Variants in SPOCK1 observed in about 807,000 individuals in gnomAD.
SPOCK1 encodes the protein testican-1.
In SPOCK1, 23 loss-of-function variants were observed where a neutral mutation model predicts 55.3. That is an observed-to-expected ratio of 0.42 (90% confidence interval 0.30 to 0.59). The LOEUF (loss-of-function observed/expected upper bound fraction) is 0.59, where lower values mean the gene tolerates loss of function less well. Among genes scored for constraint, SPOCK1 ranks in the 20% least tolerant of loss-of-function variants. The pLI is 0.22. For synonymous variants in SPOCK1, 226 were observed against 221.0 expected, an observed-to-expected ratio of 1.02 and a Z score of -0.20; for missense variants, 499 against 552.5, an observed-to-expected ratio of 0.90 and a Z score of 0.97.
chr5:137,361,840 G>A (rs959382478), intron 2 of SPOCK1, among the ~76,000 whole-genome samples: 5 of 152,128 alleles, frequency 3.3e-5, no homozygotes, highest in Non-Finnish European at 5.9e-5. Context: ...AGAGAGACTC[G>A]GGAAAGAAGT....
chr5:137,375,708 T>TA (rs1197132178), intron 2 of SPOCK1, among the ~76,000 whole-genome samples: 6 of 152,202 alleles, frequency 3.9e-5, no homozygotes, highest in Admixed American at 2.6e-4. Flanking sequence ...CTCCTCCTTG[T>TA]AAAAAACTAA....
chr5:137,271,435 T>C (rs1756962177), intron 2 of SPOCK1, among the ~76,000 whole-genome samples: 1 of 150,330 alleles, frequency 6.7e-6, no homozygotes, highest in Non-Finnish European at 1.5e-5. Flanking sequence ...TATATGTTTT[T>C]CATACACATA....
chr5:137,044,587 C>T (rs1752069812), intron 6 of SPOCK1, among the ~76,000 whole-genome samples: 2 of 152,002 alleles, frequency 1.3e-5, no homozygotes, highest in Non-Finnish European at 2.9e-5. Flanking sequence ...TACATGGAAA[C>T]ATACATAAGG....
At chr5:137,360,759 G>A (rs1403409876) in intron 2 of SPOCK1, among the ~76,000 whole-genome samples, 1 of 152,170 alleles carries the variant, frequency 6.6e-6, no homozygotes, top group Non-Finnish European at 1.5e-5. Flanking sequence ...AAGAAAGCTG[G>A]TAGATCAGGG....
chr5:137,131,862 C>T (rs1753885634), intron 4 of SPOCK1, among the ~76,000 whole-genome samples: 2 of 147,136 alleles, frequency 1.4e-5, no homozygotes, highest in South Asian at 4.3e-4. Context: ...GTCCCAGCTA[C>T]TCGGGAGGCT....
intron 2 of SPOCK1, among the ~76,000 whole-genome samples, chr5:137,405,102 A>C (rs1294290618): frequency 1.3e-5 from 2 of 152,234 alleles, no homozygotes; most frequent in African/African-American, 4.8e-5. Context: ...ATAGCGCCAG[A>C]AAATTTCCTG....
chr5:137,409,842 T>C (rs1752174064), intron 2 of SPOCK1, among the ~76,000 whole-genome samples: 1 of 152,232 alleles, frequency 6.6e-6, no homozygotes, highest in Admixed American at 6.5e-5. Flanking sequence ...CACTAATAAG[T>C]GCTGAGCAAA....
At chr5:137,334,755 C>T (rs1750202902) in intron 2 of SPOCK1, among the ~76,000 whole-genome samples, 1 of 152,178 alleles carries the variant, frequency 6.6e-6, no homozygotes, top group Admixed American at 6.5e-5. Context: ...GTAATCGCTG[C>T]CCTCTTGCCC....
intron 2 of SPOCK1, among the ~76,000 whole-genome samples, chr5:137,483,193 C>T (rs1022141921): frequency 7.2e-5 from 11 of 152,020 alleles, no homozygotes; most frequent in African/African-American, 2.7e-4. Flanking sequence ...ATTAGTCAGG[C>T]GTAGTGGTAG....
intron 6 of SPOCK1, among the ~76,000 whole-genome samples, chr5:136,996,191 T>C (rs1374637841): frequency 6.6e-6 from 1 of 152,172 alleles, no homozygotes; most frequent in Non-Finnish European, 1.5e-5. Context: ...ACCCAGAGGA[T>C]ACATCCCACA....
At chr5:137,434,248 A>C (rs1046368445) in intron 2 of SPOCK1, among the ~76,000 whole-genome samples, 1 of 152,040 alleles carries the variant, frequency 6.6e-6, no homozygotes, top group African/African-American at 2.4e-5. Flanking sequence ...TCATTTGGGG[A>C]AAAAAGAGAC....
At chr5:137,039,280 T>TTG (rs1751944953) in intron 6 of SPOCK1, among the ~76,000 whole-genome samples, 1 of 111,310 alleles carries the variant, frequency 9.0e-6, no homozygotes, top group Non-Finnish European at 1.7e-5. Flanking sequence ...CTTTTTTTTT[T>TTG]TTTTTTTTTT....
chr5:137,413,658 C>T (rs1752257206), intron 2 of SPOCK1, among the ~76,000 whole-genome samples: 2 of 152,252 alleles, frequency 1.3e-5, no homozygotes, highest in African/African-American at 2.4e-5. Flanking sequence ...TCTGAAGGCA[C>T]GACCTTTGGA....
intron 2 of SPOCK1, among the ~76,000 whole-genome samples, chr5:137,335,347 G>A (rs999246984): frequency 6.6e-6 from 1 of 152,286 alleles, no homozygotes; most frequent in Middle Eastern, 3.4e-3. Flanking sequence ...GGCTTCAGAG[G>A]AATAAGAGAA....
chr5:137,184,163 A>T (rs1465446221), intron 3 of SPOCK1, among the ~76,000 whole-genome samples: 2 of 152,210 alleles, frequency 1.3e-5, no homozygotes, highest in Admixed American at 6.5e-5. Flanking sequence ...ATGACCATGT[A>T]AAGTAGGCTT....
At chr5:137,112,911 C>G (rs528559972) in intron 4 of SPOCK1, among the ~76,000 whole-genome samples, 1 of 151,624 alleles carries the variant, frequency 6.6e-6, no homozygotes, top group Non-Finnish European at 1.5e-5. Context: ...TGGCATATCA[C>G]GGGTGCCCAG....
intron 4 of SPOCK1, among the ~76,000 whole-genome samples, chr5:137,131,123 G>A (rs1026503984): frequency 2.0e-5 from 3 of 152,178 alleles, no homozygotes; most frequent in African/African-American, 4.8e-5. Context: ...TGTCTTTCAC[G>A]GTTCATTGGT....
intron 2 of SPOCK1, among the ~76,000 whole-genome samples, chr5:137,476,304 A>G (rs957770900): frequency 6.6e-6 from 1 of 152,218 alleles, no homozygotes; most frequent in Non-Finnish European, 1.5e-5. Flanking sequence ...CAGGTAGAAA[A>G]GAGAAGCAGA....
intron 6 of SPOCK1, among the ~76,000 whole-genome samples, chr5:137,014,369 C>A (rs1751410379): frequency 2.0e-5 from 3 of 152,262 alleles, no homozygotes; most frequent in South Asian, 2.1e-4. Flanking sequence ...TATTTCTTTA[C>A]AGCAATGCAA....
Sources: gnomAD v4.1 joint callset for allele counts (sites outside exome capture counted in the v4.1 genomes callset) on GRCh38, gnomAD v4.1.1 for gene constraint, MANE v1.5 for transcripts, NCBI Gene and HGNC (gene_info 2026-07-23, HGNC 2026-07-21) for gene names.